Variants in RLN2 observed in about 807,000 individuals in gnomAD.
RLN2 encodes the protein prorelaxin H2.
Under a neutral mutation model 7.3 loss-of-function variants are expected in RLN2, and 10 were observed. The ratio of observed to expected loss-of-function variants is 1.36; its 90% CI spans 0.84 to 2.31. RLN2 has a LOEUF of 2.31. Among genes scored for constraint, RLN2 ranks in the 30% most tolerant of loss-of-function variants. The pLI is 0.00. For synonymous variants in RLN2, 103 were observed against 82.3 expected, an observed-to-expected ratio of 1.25 and a Z score of -1.36; for missense variants, 298 against 217.6, an observed-to-expected ratio of 1.37 and a Z score of -2.32.
the RLN2 span, among the ~76,000 whole-genome samples, chr9:5,316,199 A>G: frequency 3.9e-4 from 60 of 152,192 alleles, no homozygotes; most frequent in Non-Finnish European, 7.8e-4. Flanking sequence ...GTACTTATTA[A>G]GTATATACTT....
At chr9:5,307,541 G>C (rs1435113425), upstream of RLN2, among the ~76,000 whole-genome samples, 1 of 151,930 alleles carries the variant, frequency 6.6e-6, no homozygotes, top group African/African-American at 2.4e-5. Context: ...AGTGAATACA[G>C]ATTCTGGGTC....
At chr9:5,324,328 A>G in the RLN2 span, among the ~76,000 whole-genome samples, 1 of 152,078 alleles carries the variant, frequency 6.6e-6, no homozygotes, top group Non-Finnish European at 1.5e-5. Flanking sequence ...AGAGGTCTTC[A>G]TATTCAAAAT....
the RLN2 span, among the ~76,000 whole-genome samples, chr9:5,312,219 G>A: frequency 6.6e-6 from 1 of 151,980 alleles, no homozygotes; most frequent in Non-Finnish European, 1.5e-5. Flanking sequence ...AAGCCTTGTG[G>A]TATGGAAAAA....
At chr9:5,332,772 C>G in the RLN2 span, among the ~76,000 whole-genome samples, 19 of 151,778 alleles carry the variant, frequency 1.3e-4, no homozygotes, top group African/African-American at 4.4e-4. Flanking sequence ...CACACCACCA[C>G]TCCTGGCTAA....
At chr9:5,316,269 T>C in the RLN2 span, among the ~76,000 whole-genome samples, 1 of 151,964 alleles carries the variant, frequency 6.6e-6, no homozygotes, top group South Asian at 2.1e-4. Context: ...TCTTCTGCTT[T>C]TTTGTTATTA....
chr9:5,322,493 G>A, the RLN2 span, among the ~76,000 whole-genome samples: 5 of 152,088 alleles, frequency 3.3e-5, no homozygotes, highest in African/African-American at 9.7e-5. Flanking sequence ...TTTGCCTGTA[G>A]GAAGGAAAAC....
upstream of RLN2, among the ~76,000 whole-genome samples, chr9:5,307,866 A>G (rs1816282695): frequency 6.6e-6 from 1 of 152,016 alleles, no homozygotes; most frequent in Non-Finnish European, 1.5e-5. Flanking sequence ...GTTGTAAGAG[A>G]AACTTATTTT....
chr9:5,335,114 C>G, the RLN2 span: 1 of 535,680 alleles, frequency 1.9e-6, no homozygotes. Context: ...TATTTTCTTA[C>G]ACACCAAATG....
At chr9:5,326,101 G>T in the RLN2 span, among the ~76,000 whole-genome samples, 2 of 152,152 alleles carry the variant, frequency 1.3e-5, no homozygotes, top group South Asian at 4.1e-4. Flanking sequence ...ATCTAAAATT[G>T]CTAGAAACCT....
the RLN2 span, among the ~76,000 whole-genome samples, chr9:5,312,911 T>C: frequency 6.6e-6 from 1 of 152,106 alleles, no homozygotes; most frequent in African/African-American, 2.4e-5. Context: ...CAATTTGATT[T>C]CTAGTTTCAT....
the RLN2 span, among the ~76,000 whole-genome samples, chr9:5,320,882 G>C: frequency 6.6e-6 from 1 of 152,042 alleles, no homozygotes; most frequent in East Asian, 1.9e-4. Context: ...ATTATCATCT[G>C]AATGTAACAG....
At chr9:5,336,507 C>A in the RLN2 span, among the ~76,000 whole-genome samples, 104,925 of 151,804 alleles carry the variant, frequency 0.69, 36,585 homozygotes, top group South Asian at 0.8. Context: ...CATTCAGCTC[C>A]GTTGAACATT....
At chr9:5,327,744 C>T in the RLN2 span, among the ~76,000 whole-genome samples, 1 of 152,132 alleles carries the variant, frequency 6.6e-6, no homozygotes, top group South Asian at 2.1e-4. Context: ...GTTCTGTAGC[C>T]TCCACTGGTG....
At chr9:5,335,539 G>A in the RLN2 span, 1 of 1,612,764 alleles carries the variant, frequency 6.2e-7, no homozygotes, top group East Asian at 2.2e-5. Flanking sequence ...AATTAGCAAT[G>A]AATTCCAACA....
At chr9:5,309,333 T>C (rs1816306658), upstream of RLN2, among the ~76,000 whole-genome samples, 1 of 152,050 alleles carries the variant, frequency 6.6e-6, no homozygotes, top group East Asian at 1.9e-4. Context: ...CATGATCCTT[T>C]TGTAACCCCT....
the RLN2 span, chr9:5,335,463 C>G: frequency 6.2e-7 from 1 of 1,613,564 alleles, no homozygotes; most frequent in Non-Finnish European, 8.5e-7. Flanking sequence ...AATGCAGGTA[C>G]ATACTGCTGT....
chr9:5,312,693 T>G, the RLN2 span, among the ~76,000 whole-genome samples: 1 of 151,872 alleles, frequency 6.6e-6, no homozygotes, highest in African/African-American at 2.4e-5. Context: ...GGAGAGTATC[T>G]TTAATAAAGC....
At chr9:5,313,718 A>G in the RLN2 span, among the ~76,000 whole-genome samples, 2 of 152,074 alleles carry the variant, frequency 1.3e-5, no homozygotes, top group East Asian at 3.9e-4. Context: ...ACTTTTTATG[A>G]CATCAGTAAG....
the RLN2 span, among the ~76,000 whole-genome samples, chr9:5,321,075 T>C: frequency 6.6e-6 from 1 of 152,166 alleles, no homozygotes; most frequent in Non-Finnish European, 1.5e-5. Context: ...CATAAGACTA[T>C]TCTTCTACTA....
Sources: gnomAD v4.1 joint callset for allele counts (sites outside exome capture counted in the v4.1 genomes callset) on GRCh38, gnomAD v4.1.1 for gene constraint, MANE v1.5 for transcripts, NCBI Gene and HGNC (gene_info 2026-07-23, HGNC 2026-07-21) for gene names.